The following PFKL variants were observed in gnomAD, a reference collection of about 807,000 sequenced individuals.
PFKL encodes phosphofructokinase, liver type.
Under a neutral mutation model 92.1 loss-of-function variants are expected in PFKL, and 74 were observed. That is an observed-to-expected ratio of 0.80 (90% CI 0.67 to 0.97). The LOEUF (loss-of-function observed/expected upper bound fraction) is 0.97. Among genes scored for constraint, PFKL ranks in the 50% least tolerant of loss-of-function variants. The pLI, the probability that PFKL is intolerant of heterozygous loss-of-function variation, is 0.00. For synonymous variants in PFKL, 494 were observed against 456.4 expected, an observed-to-expected ratio of 1.08 and a Z score of -1.05; for missense variants, 1,028 against 1,116.6, an observed-to-expected ratio of 0.92 and a Z score of 1.13.
rs774800782 is a variant in PFKL at position 44,313,649 on chromosome 21, C to A, written c.605C>A (p.Thr202Asn). Reference sequence around the variant, plus strand: ...TTCCATCTCCACAGCCACCAGAGGACCTTCGTGCTGGAAGTGATGGGCCGG... The same window carrying A: ...TTCCATCTCCACAGCCACCAGAGGAACTTCGTGCTGGAAGTGATGGGCCGG... ...ITTTAQSHQR[T>N]FVLEVMGRHC... The change falls in exon 6 of 22, where the codon ACC (threonine) becomes AAC (asparagine). Residue 202 changes from threonine to asparagine, a missense_variant. Coordinates refer to ENST00000349048, the MANE Select transcript of PFKL (RefSeq NM_002626.6). 3.7e-6 allele frequency: 6 copies of A among 1,612,202 alleles called. No individual in the cohort carries two copies. The highest frequency in any genetic ancestry group is 5.1e-6 in the Non-Finnish European group (6 of 1,179,594).
Position 44,326,928 on chromosome 21 carries a change from G to C in PFKL, c.*66G>C. The stretch of plus-strand genomic sequence containing the variant: ...CCAGCGCAGCGCCAGGGCTCAGATG[G>C]GGCCTGGGCTGTTGTGTCTGGAGCC... On this transcript the variant is annotated 3_prime_UTR_variant, in exon 22 of 22. Coordinates refer to ENST00000349048, the MANE Select transcript of PFKL (RefSeq NM_002626.6). 4 of 1,439,314 alleles carry C rather than the reference G, an allele frequency of 2.8e-6. No homozygotes were observed. The South Asian group carries it at 3.6e-5, about 13-fold the overall frequency. 89.2% of individuals were successfully genotyped at this position (1,439,314 alleles called of 1,614,324 possible).
intron 18 of PFKL, 29 bp from the exon 19 acceptor site, chr21:44,325,124 G>T: frequency 6.7e-7 from 1 of 1,490,192 alleles, no homozygotes; most frequent in Non-Finnish European, 9.4e-7. Context: ...ACTCGTTCCC[G>T]CCGACTCAGG....
chr21:44,305,158 T>G, intron 1 of PFKL: 2 of 1,058,556 alleles, frequency 1.9e-6, no homozygotes, highest in South Asian at 3.0e-5. Flanking sequence ...TCCCTCACCC[T>G]CCCTCTGGGA....
intron 19 of PFKL, chr21:44,325,672 G>T: frequency 1.9e-6 from 1 of 513,982 alleles, no homozygotes; most frequent in Non-Finnish European, 3.5e-6. Flanking sequence ...GAGGTGATGG[G>T]GCCCGAGGTG....
At position 44,301,992 on chromosome 21, in the gene PFKL, C is replaced by T. The variant is rs970680149; in HGVS notation, c.85+1802C>T. Among the ~76,000 whole-genome samples, 57 of 152,306 alleles carry T rather than the reference C, an allele frequency of 3.7e-4. 1 individual carries two copies. Among genetic ancestry groups the T allele is most frequent in the African/African-American group, 9.1e-4 (38 of 41,574 alleles). On this transcript the variant is annotated intron_variant, in intron 1 of 21. Transcript: ENST00000349048. ...GGGGAGGGGCACCCAGGGTGACAGGCGGTTCTGGATGCTGGTGGAGGATCT... is the reference window on the plus strand; with the variant it reads ...GGGGAGGGGCACCCAGGGTGACAGGTGGTTCTGGATGCTGGTGGAGGATCT...
At chr21:44,308,096 G>C (rs1387568209) in intron 2 of PFKL, among the ~76,000 whole-genome samples, 1 of 152,174 alleles carries the variant, frequency 6.6e-6, no homozygotes, top group African/African-American at 2.4e-5. Context: ...CCTCGGAGGT[G>C]GGGGAATGCA....
chr21:44,320,694 A>T (rs917608413), intron 12 of PFKL: 1 of 152,454 alleles, frequency 6.6e-6, no homozygotes, highest in African/African-American at 2.4e-5. Flanking sequence ...GTGCCATTGC[A>T]CTCCAGCCCG....
At chr21:44,311,704 C>A (rs1219982353) in intron 3 of PFKL, among the ~76,000 whole-genome samples, 1 of 152,180 alleles carries the variant, frequency 6.6e-6, no homozygotes, top group South Asian at 2.1e-4. Flanking sequence ...TATGAGGGGC[C>A]ACGTGAGCGC....
chr21:44,319,453 C>T (rs1380789577), intron 11 of PFKL, 38 bp downstream of exon 11: 3 of 1,565,894 alleles, frequency 1.9e-6, no homozygotes, highest in East Asian at 2.2e-5. Context: ...TCTTACATGG[C>T]TGGGTCCCGG....
chr21:44,302,736 G>A (rs576941416), intron 1 of PFKL, among the ~76,000 whole-genome samples: 3 of 152,238 alleles, frequency 2.0e-5, no homozygotes, highest in East Asian at 1.9e-4. Flanking sequence ...GGGACTTCTC[G>A]GGCCTTGATT....
intron 5 of PFKL, among the ~76,000 whole-genome samples, 184 bp from the exon 6 acceptor site, chr21:44,313,454 A>C (rs1281158019): frequency 6.6e-6 from 1 of 152,220 alleles, no homozygotes; most frequent in Admixed American, 6.5e-5. Context: ...GGAGGAGATC[A>C]GTCGAAACCA....
intron 7 of PFKL, chr21:44,315,650 C>T (rs1031503014): frequency 9.7e-5 from 15 of 154,444 alleles, no homozygotes; most frequent in Admixed American, 2.6e-4. Context: ...AGCTGGGCCG[C>T]GGCTGGTGTG....
At chr21:44,313,785 G>A in intron 6 of PFKL, 103 bp downstream of exon 6, 3 of 1,367,864 alleles carry the variant, frequency 2.2e-6, no homozygotes, top group Non-Finnish European at 2.0e-6. Flanking sequence ...TGCCATGGGT[G>A]TGAGAGAGCC....
intron 12 of PFKL, chr21:44,320,423 G>T: frequency 2.9e-6 from 1 of 349,930 alleles, no homozygotes; most frequent in East Asian, 5.0e-5. Context: ...CAGGAGAGGA[G>T]AAGCCATTGT....
At chr21:44,325,350 G>T in intron 19 of PFKL, 86 bp downstream of exon 19, 2 of 794,792 alleles carry the variant, frequency 2.5e-6, no homozygotes, top group East Asian at 2.6e-5. Flanking sequence ...CAGCCCTCAC[G>T]GGCACCCACG....
At chr21:44,319,833 A>C in intron 11 of PFKL, 1 of 509,890 alleles carries the variant, frequency 2.0e-6, no homozygotes, top group South Asian at 2.6e-5. Context: ...AAGGTGGCCA[A>C]CCCTCCCTTG....
At position 44,300,224 on chromosome 21, in the gene PFKL, G is replaced by C. The variant is rs1254879561; in HGVS notation, c.85+34G>C. The C allele has an allele frequency of 7.1e-5, 71 of 1,003,028 alleles. 1 individual carries two copies. The South Asian group carries it at 1.1e-3, about 15-fold the overall frequency. 62.1% of individuals were successfully genotyped at this position (1,003,028 alleles called of 1,614,324 possible). A position where few individuals can be genotyped will look rare whatever the true frequency, so the allele number is the denominator to read the frequency against. ...GGGTCCCGGCCGCGTCGCGGCGCAG[G>C]GGGTGGAGGGCGCCTCCGCCCTGGC... On this transcript the variant is annotated intron_variant, in intron 1 of 21. Coordinates refer to ENST00000349048, the MANE Select transcript of PFKL (RefSeq NM_002626.6).
chr21:44,322,176 G>C lies in PFKL; in HGVS notation c.1382G>C (p.Arg461Pro), dbSNP rs750731287. 1.2e-6 allele frequency: 2 copies of C among 1,604,812 alleles called. No homozygotes were observed. Among genetic ancestry groups the C allele is most frequent in the Middle Eastern group, 1.7e-4 (1 of 5,926 alleles). ...CACGACGTGGCCGGCTGGTTGGGGC[G>C]TGGTGGCTCCATGCTGGGGACCAAG... ...GWHDVAGWLG[R>P]GGSMLGTKRT... Residue 461 changes from arginine (R) to proline (P), a missense_variant, in exon 14 of 22, where the codon CGT becomes CCT. Arg to Pro is a moderately radical substitution (Grantham distance 103). Coordinates refer to ENST00000349048, the MANE Select transcript of PFKL (RefSeq NM_002626.6).
Position 44,320,154 on chromosome 21 carries a change from C to T in PFKL, c.1191+7C>T. On this transcript the variant is annotated splice_region_variant and intron_variant, in intron 12 of 21. Coordinates refer to ENST00000349048, the MANE Select transcript of PFKL (RefSeq NM_002626.6). Reference sequence around the variant, plus strand: ...GAAGCCCCCCAAGGAGAAGGTGAGGCAGGGAGCGGCGCCCACAGAGGGAGG... The same window carrying T: ...GAAGCCCCCCAAGGAGAAGGTGAGGTAGGGAGCGGCGCCCACAGAGGGAGG... 1 of 1,611,940 alleles carries T rather than the reference C, an allele frequency of 6.2e-7. No homozygotes were observed. The highest frequency in any genetic ancestry group is 8.5e-7 in the Non-Finnish European group (1 of 1,178,640).
Sources: allele counts gnomAD v4.1 joint callset (sites outside exome capture counted in the v4.1 genomes callset), GRCh38; gene constraint gnomAD v4.1.1; transcripts MANE v1.5; gene names NCBI Gene and HGNC (gene_info 2026-07-23, HGNC 2026-07-21).